The following DOCK9 variants were observed in gnomAD, a reference collection of about 807,000 sequenced individuals.
The protein encoded by DOCK9 is dedicator of cytokinesis 9, also known as dedicator of cytokinesis protein 9.
Under a neutral mutation model 263.3 loss-of-function variants are expected in DOCK9, and 89 were observed. That is an observed-to-expected ratio of 0.34 (90% CI 0.28 to 0.40). The LOEUF is 0.40. DOCK9 is among the 10% of genes least tolerant of loss of function. The probability of loss-of-function intolerance (pLI) is 1.00; values close to 1 mark genes in which losing one functional copy is unlikely to be tolerated. For missense variants in DOCK9, 2,140 were observed against 2,603.4 expected (o/e 0.82, Z 3.87); for synonymous variants, 976 against 973.1 (o/e 1.00, Z -0.06).
At chr13:99,068,705 C>T (rs752349636) in intron 1 of DOCK9, among the ~76,000 whole-genome samples, 9 of 149,830 alleles carry the variant, frequency 6.0e-5, no homozygotes, top group Non-Finnish European at 1.0e-4. Flanking sequence ...CAGTTACTTT[C>T]GATCTTTTAG....
chr13:98,881,831 G>T, intron 24 of DOCK9, 61 bp downstream of exon 24: 2 of 1,414,378 alleles, frequency 1.4e-6, no homozygotes, highest in Admixed American at 3.9e-5. Flanking sequence ...AGCTATGCAT[G>T]ACTATGCTCC....
chr13:98,955,253 G>A (rs2057906251), intron 2 of DOCK9, among the ~76,000 whole-genome samples, 182 bp downstream of exon 2: 1 of 152,154 alleles, frequency 6.6e-6, no homozygotes, highest in African/African-American at 2.4e-5. Flanking sequence ...AGGAGGCGGA[G>A]GTTGCCGTTG....
intron 9 of DOCK9, among the ~76,000 whole-genome samples, chr13:98,914,019 T>C (rs1453719786): frequency 6.6e-6 from 1 of 152,162 alleles, no homozygotes; most frequent in Non-Finnish European, 1.5e-5. Flanking sequence ...TACGATGCTA[T>C]TATGAGAACA....
chr13:98,964,594 C>T (rs952317713), intron 1 of DOCK9, among the ~76,000 whole-genome samples: 6 of 152,154 alleles, frequency 3.9e-5, no homozygotes, highest in South Asian at 4.1e-4. Flanking sequence ...TCTTCCAGTG[C>T]CTTGAAAGGG....
intron 45 of DOCK9, among the ~76,000 whole-genome samples, chr13:98,811,702 G>A (rs1412515355): frequency 6.6e-6 from 1 of 152,200 alleles, no homozygotes; most frequent in African/African-American, 2.4e-5. Flanking sequence ...GCCACGGTCT[G>A]TATGCCTATG....
chr13:99,064,635 G>A (rs927708), intron 1 of DOCK9, among the ~76,000 whole-genome samples: 16,480 of 152,198 alleles, frequency 0.11, 1,290 homozygotes, highest in East Asian at 0.24. Flanking sequence ...AACTATTTAT[G>A]AGCTTACTAT....
Position 98,863,130 on chromosome 13 carries a change from G to T in DOCK9, c.3468C>A (p.Ser1156Arg). 3 of 1,601,358 alleles carry T rather than the reference G, an allele frequency of 1.9e-6. No homozygotes were observed. Among genetic ancestry groups the T allele is most frequent in the Non-Finnish European group, 2.6e-6 (3 of 1,173,532 alleles). Residue 1156 changes from serine to arginine, a missense_variant and splice_region_variant, in exon 32 of 53, where the codon AGC (serine) becomes AGA (arginine). Around this residue, in one of 2 missense-constraint regions of DOCK9, gnomAD observed 1,521 missense variants for 1,741.7 expected, o/e 0.87. Transcript: ENST00000682017. Reference protein sequence around the residue: ...HSFDDRYASRSHQARIATLYL... With the variant: ...HSFDDRYASRRHQARIATLYL... Reference sequence around the variant, plus strand: ...AGAGGGTGGCTATCCTTGCCTGATGGCTCTGAAAAGAAGACACACATGGTA... The same window carrying T: ...AGAGGGTGGCTATCCTTGCCTGATGTCTCTGAAAAGAAGACACACATGGTA...
chr13:99,015,440 C>G (rs1202379571), intron 1 of DOCK9: 1 of 1,580,168 alleles, frequency 6.3e-7, no homozygotes, highest in Non-Finnish European at 8.5e-7. Context: ...AGCAAGATAG[C>G]ATTTACCAGC....
At chr13:99,031,773 C>T (rs76266428) in intron 1 of DOCK9, among the ~76,000 whole-genome samples, 7 of 152,326 alleles carry the variant, frequency 4.6e-5, no homozygotes, top group Admixed American at 6.5e-5. Context: ...TTCAGGCTTG[C>T]TTCATGTTCC....
At chr13:98,797,962 C>T (rs2089638141) in intron 50 of DOCK9, among the ~76,000 whole-genome samples, 1 of 152,186 alleles carries the variant, frequency 6.6e-6, no homozygotes, top group Non-Finnish European at 1.5e-5. Flanking sequence ...CTGTTCATTT[C>T]ATTGAATTGT....
chr13:98,860,077 C>A, intron 33 of DOCK9: 4 of 726,070 alleles, frequency 5.5e-6, no homozygotes, highest in Non-Finnish European at 7.3e-6. Context: ...CCCCTCCCCC[C>A]ACCACCTGCA....
chr13:98,999,314 A>T (rs61968895), intron 1 of DOCK9, among the ~76,000 whole-genome samples: 21,720 of 107,414 alleles, frequency 0.2, 2,327 homozygotes, highest in East Asian at 0.47. Context: ...ACACACACAC[A>T]CACTCTCTCT....
In DOCK9 at chr13:98,829,894, T is replaced by A; in HGVS notation, c.4636-138A>T. ...GGTGCTTTGAGCAGGGGTCGCTCCG[T>A]GTAGGAAACAATGTCTGAGGTATTT... On this transcript the variant is annotated intron_variant, in intron 41 of 52. Coordinates refer to ENST00000682017, the MANE Select transcript of DOCK9 (RefSeq NM_001366683.2). The surrounding 1 kb of genome is among the most constrained non-coding windows in gnomAD (Gnocchi z 4.1). 1 of 645,052 alleles carries A rather than the reference T, an allele frequency of 1.6e-6. No individual in the cohort carries two copies. Among genetic ancestry groups the A allele is most frequent in the Middle Eastern group, 3.3e-4 (1 of 3,048 alleles). 40.0% of individuals were successfully genotyped at this position (645,052 alleles called of 1,614,324 possible).
intron 27 of DOCK9, among the ~76,000 whole-genome samples, chr13:98,875,862 C>T (rs2043745274): frequency 6.6e-6 from 1 of 152,188 alleles, no homozygotes; most frequent in Admixed American, 6.5e-5. Flanking sequence ...GGTTCTGATT[C>T]ACACCCTTCC....
At chr13:98,846,811 T>A in intron 37 of DOCK9, 4 of 353,278 alleles carry the variant, frequency 1.1e-5, no homozygotes, top group South Asian at 8.5e-5. Context: ...ACAGTGTTCA[T>A]CAAACTCGAC....
In DOCK9 at chr13:98,807,775, A is replaced by G. The variant is rs2090890989; in HGVS notation, c.5400T>C (p.Tyr1800=). 5 of 1,612,358 alleles carry G rather than the reference A, an allele frequency of 3.1e-6. No individual in the cohort carries two copies. The highest frequency in any genetic ancestry group is 4.2e-6 in the Non-Finnish European group (5 of 1,178,906). Residue 1800 remains tyrosine (Y), a synonymous_variant, in exon 48 of 53, where the codon TAT becomes TAC. Transcript: ENST00000682017. ...GFFEDEDGKE[Y]IYKEPKLTPL... ...GTGTGAGTTTGGGTTCCTTGTAAATATACTCCTTTCCATCTTCATCTTCAA... is the reference window on the plus strand; with the variant it reads ...GTGTGAGTTTGGGTTCCTTGTAAATGTACTCCTTTCCATCTTCATCTTCAA...
chr13:99,041,563 T>C (rs1404338495), intron 1 of DOCK9, among the ~76,000 whole-genome samples: 2 of 152,038 alleles, frequency 1.3e-5, no homozygotes, highest in South Asian at 4.2e-4. Flanking sequence ...GGACAGCTAG[T>C]GCAGGCCACA....
chr13:98,808,798 G>A (rs1359114057), intron 47 of DOCK9: 2 of 709,808 alleles, frequency 2.8e-6, no homozygotes, highest in South Asian at 2.1e-5. Context: ...GGGACTCGAA[G>A]GTTAAAATTT....
chr13:99,061,872 T>C (rs2142296170), intron 1 of DOCK9, among the ~76,000 whole-genome samples: 1 of 145,350 alleles, frequency 6.9e-6, no homozygotes, highest in Admixed American at 7.0e-5. Flanking sequence ...TTTTTGTTTT[T>C]GGTTTTGTTT....
Sources: gnomAD v4.1 joint callset for allele counts (sites outside exome capture counted in the v4.1 genomes callset) on GRCh38, gnomAD v4.1.1 for gene constraint, gnomAD v4.1.1 regional missense constraint, Gnocchi (gnomAD v3.1) non-coding constraint, MANE v1.5 for transcripts, NCBI Gene and HGNC (gene_info 2026-07-23, HGNC 2026-07-21) for gene names.